SH3D19: variants seen among roughly 807,000 people sequenced by gnomAD.
SH3D19 encodes SH3 domain containing 19, also known as SH3 domain-containing protein 19.
Under a neutral mutation model 112.1 loss-of-function variants are expected in SH3D19, and 58 were observed. The observed-to-expected ratio is 0.52, with a 90% CI of 0.42 to 0.64. SH3D19 has a LOEUF of 0.64. SH3D19 is among the 30% of genes least tolerant of loss of function. SH3D19 has a pLI of 0.00. For missense variants in SH3D19, 1,090 were observed against 1,263.4 expected (o/e 0.86, Z 2.08); for synonymous variants, 391 against 448.5 (o/e 0.87, Z 1.62).
intron 1 of SH3D19, among the ~76,000 whole-genome samples, chr4:151,303,619 T>C (rs1047437814): frequency 6.6e-6 from 1 of 152,200 alleles, no homozygotes; most frequent in African/African-American, 2.4e-5. Context: ...CATTATGTTT[T>C]AACATGACTG....
chr4:151,282,300 A>G, intron 1 of SH3D19: 1 of 1,613,910 alleles, frequency 6.2e-7, no homozygotes, highest in Non-Finnish European at 8.5e-7. Context: ...CTGTCCTCTC[A>G]AGTCACCTTC....
rs147859235 is a variant in SH3D19, at chr4:151,185,305, T to C, written c.193+2118A>G. ...TTCATTGGGTCATGCATTTTTGCCT[T>C]ATGCCTCTTGAAGGCATAGCTTGTC... On this transcript the variant is annotated intron_variant, in intron 3 of 19. Transcript: ENST00000604030. Among the ~76,000 whole-genome samples, 8 of 152,262 alleles carry C rather than the reference T, an allele frequency of 5.3e-5. No individual in the cohort carries two copies. The East Asian group carries it at 1.5e-3, about 29-fold the overall frequency.
At chr4:151,167,250 GT>G (rs948819195) in intron 7 of SH3D19, among the ~76,000 whole-genome samples, 4 of 151,758 alleles carry the variant, frequency 2.6e-5, no homozygotes, top group African/African-American at 9.7e-5. Context: ...CAAAGCTCCT[GT>G]TTTTAGATTT....
intron 1 of SH3D19, among the ~76,000 whole-genome samples, chr4:151,281,980 AAG>A (rs1774279503): frequency 6.6e-6 from 1 of 152,194 alleles, no homozygotes; most frequent in African/African-American, 2.4e-5. Flanking sequence ...GACGGGGAGA[AAG>A]AGAGGAAAGA....
intron 7 of SH3D19, among the ~76,000 whole-genome samples, chr4:151,169,156 T>C (rs1561271910): frequency 6.6e-6 from 1 of 152,226 alleles, no homozygotes; most frequent in African/African-American, 2.4e-5. Flanking sequence ...TGAAGTAGCA[T>C]AGGTATAACT....
intron 2 of SH3D19, among the ~76,000 whole-genome samples, chr4:151,192,435 T>C (rs1309275655): frequency 6.6e-6 from 1 of 152,214 alleles, no homozygotes; most frequent in Non-Finnish European, 1.5e-5. Context: ...TCTCAAGATA[T>C]GTTAAATTTC....
chr4:151,126,995 C>T (rs1296380184), intron 19 of SH3D19, among the ~76,000 whole-genome samples: 2 of 150,836 alleles, frequency 1.3e-5, no homozygotes, highest in Admixed American at 6.6e-5. Flanking sequence ...CTGCAAGCTC[C>T]ACCTCCCGGG....
In SH3D19 at chr4:151,175,550, G is replaced by A; in HGVS notation, c.654C>T (p.Pro218=). Residue 218 remains proline, a synonymous_variant, in exon 7 of 20, where the codon CCC becomes CCT. Transcript: ENST00000604030. ...ISEEPNCPEN[P]SATRCPVPKP... ...TTGGCACTGGACATCTTGTAGCACT[G>A]GGGTTTTCTGGACAATTCGGTTCTT... 2.2e-6 allele frequency: 3 copies of A among 1,380,818 alleles called. No homozygotes were observed. The East Asian group carries it at 8.0e-5, about 37-fold the overall frequency. 85.5% of individuals were successfully genotyped at this position (1,380,818 alleles called of 1,614,324 possible). A position where few individuals can be genotyped will look rare whatever the true frequency, so the allele number is the denominator to read the frequency against.
intron 17 of SH3D19, among the ~76,000 whole-genome samples, chr4:151,131,490 T>C (rs1287052056): frequency 6.6e-6 from 1 of 151,004 alleles, no homozygotes; most frequent in African/African-American, 2.4e-5. Flanking sequence ...TTTTTTTCTT[T>C]TTTTCTTTTT....
At chr4:151,216,600 G>C (rs1445716503) in intron 2 of SH3D19, among the ~76,000 whole-genome samples, 1 of 152,144 alleles carries the variant, frequency 6.6e-6, no homozygotes, top group Admixed American at 6.5e-5. Context: ...AGTTCCATGC[G>C]CCCTGGACTG....
intron 1 of SH3D19, among the ~76,000 whole-genome samples, chr4:151,240,852 C>T (rs548281516): frequency 2.6e-5 from 4 of 151,838 alleles, no homozygotes; most frequent in East Asian, 3.9e-4. Flanking sequence ...TTCATAGTAG[C>T]ATTATTTGTA....
chr4:151,234,676 G>T (rs1385999782), intron 1 of SH3D19, among the ~76,000 whole-genome samples: 1 of 150,380 alleles, frequency 6.6e-6, no homozygotes, highest in Non-Finnish European at 1.5e-5. Flanking sequence ...GCAAAATATT[G>T]GGCCATTCCT....
intron 11 of SH3D19, among the ~76,000 whole-genome samples, chr4:151,145,228 TA>T (rs1417796095): frequency 2.0e-5 from 3 of 152,242 alleles, no homozygotes; most frequent in Non-Finnish European, 4.4e-5. Flanking sequence ...TATTGAGTTT[TA>T]AAAAATGCTT....
intron 1 of SH3D19, among the ~76,000 whole-genome samples, chr4:151,323,976 T>C (rs1730796864): frequency 6.6e-6 from 1 of 152,242 alleles, no homozygotes; most frequent in Non-Finnish European, 1.5e-5. Context: ...TTTTTCATTG[T>C]ACTCTTGCAA....
rs1760039591 is a variant in SH3D19 at position 151,176,945 on chromosome 4, T to C, written c.247A>G (p.Ile83Val). The change falls in exon 5 of 20, where the codon ATC (isoleucine) becomes GTC (valine). Residue 83 changes from isoleucine (I) to valine (V), a missense_variant. Transcript: ENST00000604030. ...AGTGGCTCAGCTGCCACAATGGTGA[T>C]CTCTGGGCGCCTAGTGGACAGAAGC... The part of the protein sequence containing the change: ...ELHRDRRRPE[I>V]TIVAAEPLRP... The C allele has an allele frequency of 8.1e-7, 1 of 1,232,046 alleles. No homozygotes were observed. The highest frequency in any genetic ancestry group is 1.0e-6 in the Non-Finnish European group (1 of 987,984). 76.3% of individuals were successfully genotyped at this position (1,232,046 alleles called of 1,614,324 possible).
intron 2 of SH3D19, among the ~76,000 whole-genome samples, chr4:151,196,952 ACTC>A (rs1309888945): frequency 6.6e-6 from 1 of 152,146 alleles, no homozygotes; most frequent in East Asian, 1.9e-4. Flanking sequence ...ATACCCCTCT[ACTC>A]CTGCAAGAAT....
intron 11 of SH3D19, chr4:151,144,417 C>T: frequency 1.3e-6 from 1 of 776,412 alleles, no homozygotes; most frequent in South Asian, 1.6e-5. Context: ...CACCTGGCTT[C>T]ATCGCGCTCT....
chr4:151,321,033 T>C (rs1173300059), intron 1 of SH3D19, among the ~76,000 whole-genome samples: 1 of 152,176 alleles, frequency 6.6e-6, no homozygotes, highest in Non-Finnish European at 1.5e-5. Flanking sequence ...AGAGCAAGAC[T>C]CTGTCTCAAA....
intron 1 of SH3D19, among the ~76,000 whole-genome samples, chr4:151,316,520 T>C (rs1395151580): frequency 5.3e-5 from 8 of 152,186 alleles, no homozygotes; most frequent in African/African-American, 1.7e-4. Context: ...TGGGAGCTCT[T>C]TGTACTATCT....
Sources: allele counts gnomAD v4.1 joint callset (sites outside exome capture counted in the v4.1 genomes callset), GRCh38; gene constraint gnomAD v4.1.1; transcripts MANE v1.5; gene names NCBI Gene and HGNC (gene_info 2026-07-23, HGNC 2026-07-21).